ROCK1: variants seen among roughly 807,000 people sequenced by gnomAD.
The protein encoded by ROCK1 is rho-associated protein kinase 1.
A neutral mutation model predicts 196.8 loss-of-function variants in ROCK1; 36 were observed. The observed-to-expected ratio is 0.18, with a 90% CI of 0.14 to 0.24. The LOEUF is 0.24. Ranked by LOEUF, ROCK1 falls within the 10% of genes least tolerant of loss-of-function variation. The pLI is 1.00. For missense variants in ROCK1, 920 were observed against 1,562.0 expected (o/e 0.59, Z 6.93); for synonymous variants, 443 against 515.9 (o/e 0.86, Z 1.91).
At chr18:21,038,105 G>A (rs569163957) in intron 9 of ROCK1, among the ~76,000 whole-genome samples, 205 of 152,070 alleles carry the variant, frequency 1.3e-3, no homozygotes, top group Non-Finnish European at 2.3e-3. Context: ...ATATTTGTAC[G>A]TCTTCAGCCT....
At chr18:21,026,925 ATTTCTT>A (rs1245316791) in intron 10 of ROCK1, among the ~76,000 whole-genome samples, 12 of 148,470 alleles carry the variant, frequency 8.1e-5, no homozygotes, top group Non-Finnish European at 1.5e-5. Context: ...CTTTGTTTAG[ATTTCTT>A]TTTCTTTCTT....
intron 27 of ROCK1, 24 bp from the exon 28 acceptor site, chr18:20,960,230 T>G (rs1463245439): frequency 1.6e-5 from 21 of 1,335,512 alleles, no homozygotes; most frequent in Non-Finnish European, 2.3e-5. Flanking sequence ...AATATATGTA[T>G]TAGTCAGTCT....
intron 27 of ROCK1, among the ~76,000 whole-genome samples, chr18:20,961,078 G>A (rs1033747674): frequency 6.6e-6 from 1 of 152,016 alleles, no homozygotes; most frequent in African/African-American, 2.4e-5. Flanking sequence ...ATGTCTACTA[G>A]AAATATCTGG....
intron 13 of ROCK1, among the ~76,000 whole-genome samples, chr18:21,013,019 T>C (rs116472936): frequency 6.6e-6 from 1 of 152,232 alleles, no homozygotes; most frequent in Non-Finnish European, 1.5e-5. Flanking sequence ...CTTGTTTGTA[T>C]GTTTACAGTT....
chr18:21,061,282 G>C (rs1487433513), intron 2 of ROCK1, among the ~76,000 whole-genome samples: 2 of 152,040 alleles, frequency 1.3e-5, no homozygotes, highest in Admixed American at 6.6e-5. Flanking sequence ...GTTTTGTCAT[G>C]TTGGCCAGGC....
chr18:20,976,692 T>C (rs1474553462), intron 22 of ROCK1, among the ~76,000 whole-genome samples: 5 of 152,232 alleles, frequency 3.3e-5, no homozygotes, highest in African/African-American at 1.2e-4. Context: ...GTGGTTTCTG[T>C]ATGCAAAGAC....
At chr18:21,020,660 G>A (rs1470093409) in intron 11 of ROCK1, among the ~76,000 whole-genome samples, 2 of 152,136 alleles carry the variant, frequency 1.3e-5, no homozygotes, top group Non-Finnish European at 2.9e-5. Context: ...CTTGAGTTGA[G>A]GCCTAAAAGA....
At chr18:20,989,374 C>A (rs1390647165) in intron 18 of ROCK1, among the ~76,000 whole-genome samples, 1 of 152,122 alleles carries the variant, frequency 6.6e-6, no homozygotes, top group Non-Finnish European at 1.5e-5. Context: ...AGAATAAGAG[C>A]AGGTTTGATG....
chr18:20,975,149 T>C (rs192675647), intron 22 of ROCK1, among the ~76,000 whole-genome samples: 1 of 152,220 alleles, frequency 6.6e-6, no homozygotes, highest in African/African-American at 2.4e-5. Flanking sequence ...GAAAATTATA[T>C]ATTAGGAGGG....
Position 20,953,641 on chromosome 18 carries a change from G to A in ROCK1, c.3998C>T (p.Ser1333Phe). ...GFVRASPRTL[S>F]TRSTANQSFR... ...AGACTGATTTGCAGTGGATCTTGTA[G>A]AAAGCGTTCGAGGGGAAGCACGAAC... is the stretch of plus-strand genomic sequence containing the variant. Residue 1333 changes from serine to phenylalanine, a missense_variant, in exon 32 of 33, where the codon TCT becomes TTT. By Grantham distance (155) the Ser-to-Phe change is radical. Around this residue, in one of 6 missense-constraint regions of ROCK1, gnomAD observed 49 missense variants for 180.4 expected, o/e 0.27. Transcript: ENST00000399799. 1 of 1,612,768 alleles carries A rather than the reference G, an allele frequency of 6.2e-7. No individual in the cohort carries two copies.
chr18:20,962,531 T>C (rs2035336930), intron 27 of ROCK1, among the ~76,000 whole-genome samples: 1 of 152,176 alleles, frequency 6.6e-6, no homozygotes. Flanking sequence ...GCTTTCTGGC[T>C]CTAGATGTGG....
At chr18:21,105,825 G>C (rs1053808760) in intron 1 of ROCK1, among the ~76,000 whole-genome samples, 1 of 152,124 alleles carries the variant, frequency 6.6e-6, no homozygotes, top group Non-Finnish European at 1.5e-5. Context: ...CATGTACATA[G>C]AGATAATAAT....
chr18:21,109,302 C>T (rs1422305194), intron 1 of ROCK1, among the ~76,000 whole-genome samples: 1 of 152,038 alleles, frequency 6.6e-6, no homozygotes, highest in Non-Finnish European at 1.5e-5. Context: ...TAAAGGTCCC[C>T]ACCAAATGAA....
At position 21,067,383 on chromosome 18, in the gene ROCK1, CTTTTTTTTTT is replaced by C. The variant is rs373333472; in HGVS notation, c.175+3139_175+3148del. On this transcript the variant is annotated intron_variant, in intron 2 of 32. Coordinates refer to ENST00000399799, the MANE Select transcript of ROCK1 (RefSeq NM_005406.3). Reference sequence around the variant, plus strand: ...CTATTTTGTAAGTTGTCTTTTCACTCTTTTTTTTTTTTTTTTTTTTTGAGACAAAGTCTTG... The same window carrying C: ...CTATTTTGTAAGTTGTCTTTTCACTCTTTTTTTTTTTGAGACAAAGTCTTG... Among the ~76,000 whole-genome samples, 233 of 125,324 alleles carry C rather than the reference CTTTTTTTTTT, an allele frequency of 1.9e-3. 1 individual carries two copies. Among genetic ancestry groups the C allele is most frequent in the African/African-American group, 6.4e-3 (219 of 34,262 alleles). The allele number at this position is 125,324 out of a possible 152,430, so 82.2% of individuals were successfully genotyped here.
chr18:21,056,150 T>G lies in ROCK1; in HGVS notation c.176-6270A>C, dbSNP rs567585757. 1.5e-3 allele frequency among the ~76,000 whole-genome samples: 234 copies of G among 151,766 alleles called. 2 individuals carry two copies. The highest frequency in any genetic ancestry group is 5.5e-3 in the African/African-American group (228 of 41,328). On this transcript the variant is annotated intron_variant, in intron 2 of 32. Coordinates refer to ENST00000399799, the MANE Select transcript of ROCK1 (RefSeq NM_005406.3). ...CCAAGGCTCAGCCCTCAATGGTGAC[T>G]TCTTCTCTATCTACACTCACTTCTC...
rs149156491 is a variant in ROCK1 at position 21,078,846 on chromosome 18, T to A, written c.94-8233A>T. On this transcript the variant is annotated intron_variant, in intron 1 of 32. Transcript: ENST00000399799. ...TCTCGGGCCTCCTCCCAATCCCTTT[T>A]GTAAAAGACTGAAGTGGCTATTCTC... Among the ~76,000 whole-genome samples the A allele has an allele frequency of 6.6e-5, 10 of 152,332 alleles. No homozygotes were observed. In the East Asian group the frequency reaches 1.9e-3, roughly 29 times the overall value.
At chr18:21,058,131 C>T (rs1325404345) in intron 2 of ROCK1, among the ~76,000 whole-genome samples, 1 of 151,996 alleles carries the variant, frequency 6.6e-6, no homozygotes, top group Non-Finnish European at 1.5e-5. Flanking sequence ...TACTGATACA[C>T]AGATATGGAT....
intron 13 of ROCK1, among the ~76,000 whole-genome samples, chr18:21,013,626 AAAG>A (rs1037508378): frequency 2.0e-5 from 3 of 152,186 alleles, no homozygotes; most frequent in Non-Finnish European, 2.9e-5. Context: ...CTGGGGAGAG[AAAG>A]AAGGTTTGTT....
intron 18 of ROCK1, 35 bp from the exon 19 acceptor site, chr18:20,987,145 A>G (rs1311354604): frequency 6.3e-7 from 1 of 1,595,562 alleles, no homozygotes; most frequent in Non-Finnish European, 8.5e-7. Context: ...ATACATTTAA[A>G]GAAAGAGTAC....
Sources: allele counts gnomAD v4.1 joint callset (sites outside exome capture counted in the v4.1 genomes callset), GRCh38; gene constraint gnomAD v4.1.1; regional missense constraint gnomAD v4.1.1; transcripts MANE v1.5; gene names NCBI Gene and HGNC (gene_info 2026-07-23, HGNC 2026-07-21).